CLTC: variants seen among roughly 807,000 people sequenced by gnomAD.
CLTC encodes clathrin heavy chain 1.
Under a neutral mutation model 195.8 loss-of-function variants are expected in CLTC, and 16 were observed. That is an observed-to-expected ratio of 0.08 (90% CI 0.06 to 0.12). The LOEUF (loss-of-function observed/expected upper bound fraction) is 0.12, where lower values mean the gene tolerates loss of function less well. Ranked by LOEUF, CLTC falls within the 10% of genes least tolerant of loss-of-function variation. CLTC has a pLI of 1.00. For synonymous variants in CLTC, 667 were observed against 689.4 expected (o/e 0.97, Z 0.51); for missense variants, 796 against 2,027.0 (o/e 0.39, Z 11.66).
intron 6 of CLTC, 131 bp downstream of exon 6, chr17:59,656,158 C>G: frequency 1.3e-6 from 1 of 773,522 alleles, no homozygotes; most frequent in Non-Finnish European, 1.9e-6. Context: ...AGTTTTTTTC[C>G]AAAAAGTAAA....
At chr17:59,646,353 T>C (rs569392640) in intron 2 of CLTC, among the ~76,000 whole-genome samples, 2 of 152,332 alleles carry the variant, frequency 1.3e-5, no homozygotes, top group Non-Finnish European at 2.9e-5. Flanking sequence ...TGGTTGTGGT[T>C]TACATACTGT....
rs1226243390 is a variant in CLTC at position 59,692,270 on chromosome 17, TTGCACCAC to T, written c.4904-1453_4904-1446del. 4.6e-5 allele frequency among the ~76,000 whole-genome samples: 7 copies of T among 152,322 alleles called. No homozygotes were observed. The East Asian group carries it at 1.2e-3, about 25-fold the overall frequency. On this transcript the variant is annotated intron_variant, in intron 31 of 31. Transcript: ENST00000269122. ...AGGCAAAGGCTGCAGTGAGCCAAAA[TTGCACCAC>T]TGCATTCCCTGGGCGACAGAGCGAG...
chr17:59,659,168 GA>G (rs1420058707), intron 6 of CLTC, among the ~76,000 whole-genome samples: 3 of 152,106 alleles, frequency 2.0e-5, no homozygotes, highest in African/African-American at 7.2e-5. Flanking sequence ...CAGTAACTGA[GA>G]AAAAATTATA....
At chr17:59,678,032 T>A (rs2033003421) in intron 17 of CLTC, among the ~76,000 whole-genome samples, 2 of 152,200 alleles carry the variant, frequency 1.3e-5, no homozygotes, top group Non-Finnish European at 2.9e-5. Context: ...GACTGTACTG[T>A]CTCTATGGAT....
Position 59,695,619 on chromosome 17 carries a change from C to T in CLTC, c.*1767C>T, listed in dbSNP as rs1004760532. On this transcript the variant is annotated 3_prime_UTR_variant, in exon 32 of 32. Transcript: ENST00000269122. ...GGCAAAGGTTGTAGTGAGCCAAGAT[C>T]ACGTCACTGCACTCCATCCTGGGTG... 5.5e-6 allele frequency: 1 copy of T among 180,930 alleles called. No homozygotes were observed. The highest frequency in any genetic ancestry group is 1.2e-5 in the Non-Finnish European group (1 of 84,724). The allele number at this position is 180,930 out of a possible 1,614,324, so 11.2% of individuals were successfully genotyped here. A position where few individuals can be genotyped will look rare whatever the true frequency, so the allele number is the denominator to read the frequency against.
chr17:59,644,127 A>G (rs2032121075), intron 1 of CLTC, 149 bp from the exon 2 acceptor site: 1 of 638,202 alleles, frequency 1.6e-6, no homozygotes, highest in African/African-American at 1.8e-5. Flanking sequence ...ATACTTGGCT[A>G]TTAATAGTCT....
chr17:59,621,499 G>A (rs1328823557), intron 1 of CLTC, among the ~76,000 whole-genome samples: 2 of 152,168 alleles, frequency 1.3e-5, no homozygotes, highest in Admixed American at 1.3e-4. Context: ...TTAATAAAAG[G>A]TTTTAACATT....
chr17:59,673,366 A>C (rs1340824741), intron 14 of CLTC, among the ~76,000 whole-genome samples: 1 of 152,206 alleles, frequency 6.6e-6, no homozygotes, highest in Non-Finnish European at 1.5e-5. Context: ...ATCATCTGAG[A>C]GCCACTGGCT....
chr17:59,659,453 ATT>A (rs10611799), intron 6 of CLTC, among the ~76,000 whole-genome samples: 100,655 of 134,254 alleles, frequency 0.75, 38,214 homozygotes, highest in East Asian at 0.92. Flanking sequence ...TTTTTAATTA[ATT>A]TTTTTTTTTT....
At position 59,666,021 on chromosome 17, in the gene CLTC, T is replaced by G. The variant is rs2032722472; in HGVS notation, c.1645-82T>G. ...ATATTGTCCAAATAAAATTCTCAGG[T>G]AAAGAAAGAGTTCATGCATAATTTT... On this transcript the variant is annotated intron_variant, in intron 10 of 31. Transcript: ENST00000269122. This position sits in a 1 kb window ranked among gnomAD's most constrained non-coding sequence, Gnocchi z 4.9. 5 of 1,054,428 alleles carry G rather than the reference T, an allele frequency of 4.7e-6. No homozygotes were observed. The highest frequency in any genetic ancestry group is 1.7e-5 in the South Asian group (1 of 59,240). 65.3% of individuals were successfully genotyped at this position (1,054,428 alleles called of 1,614,324 possible). A position where few individuals can be genotyped will look rare whatever the true frequency, so the allele number is the denominator to read the frequency against.
chr17:59,681,641 A>G lies in CLTC; in HGVS notation c.3250-6A>G. The G allele has an allele frequency of 1.2e-6, 2 of 1,605,554 alleles. No individual in the cohort carries two copies. Among genetic ancestry groups the G allele is most frequent in the Non-Finnish European group, 1.7e-6 (2 of 1,174,532 alleles). On this transcript the variant is annotated splice_polypyrimidine_tract_variant and splice_region_variant and intron_variant, in intron 20 of 31. Coordinates refer to ENST00000269122, the MANE Select transcript of CLTC (RefSeq NM_004859.4). This position sits in a 1 kb window ranked among gnomAD's most constrained non-coding sequence, Gnocchi z 5.0. The stretch of plus-strand genomic sequence containing the variant: ...TCTAACCCTAATTTCAAACTTGGAT[A>G]CTTAGGTCTTAATTGAGCATATTGG...
At chr17:59,636,267 C>T (rs568565724) in intron 1 of CLTC, among the ~76,000 whole-genome samples, 2 of 152,260 alleles carry the variant, frequency 1.3e-5, no homozygotes, top group African/African-American at 4.8e-5. Flanking sequence ...TCATGGAGCA[C>T]CTAGGCATGC....
Position 59,620,072 on chromosome 17 carries a change from C to T in CLTC, c.-60C>T. On this transcript the variant is annotated 5_prime_UTR_variant, in exon 1 of 32. Coordinates refer to ENST00000269122, the MANE Select transcript of CLTC (RefSeq NM_004859.4). ...TTCTCCTCCTCTCCCTTGGAGAGCC[C>T]GGGCAGCCACTGCCCCGCAGCCCCA... The T allele has an allele frequency of 7.1e-6, 11 of 1,543,966 alleles. No homozygotes were observed. Among genetic ancestry groups the T allele is most frequent in the Non-Finnish European group, 9.8e-6 (11 of 1,117,368 alleles).
intron 1 of CLTC, among the ~76,000 whole-genome samples, chr17:59,638,314 T>C (rs1191910480): frequency 6.6e-6 from 1 of 151,800 alleles, no homozygotes; most frequent in Non-Finnish European, 1.5e-5. Context: ...CCAGCTTGGG[T>C]GACAGAGCAA....
chr17:59,654,323 G>T (rs1248872657), intron 5 of CLTC, among the ~76,000 whole-genome samples: 1 of 147,932 alleles, frequency 6.8e-6, no homozygotes, highest in Non-Finnish European at 1.5e-5. Flanking sequence ...TTACAGGCGC[G>T]CACCACCCCA....
At chr17:59,624,454 CTTTTTTTTTTTTTT>C (rs5821272) in intron 1 of CLTC, among the ~76,000 whole-genome samples, 1 of 98,154 alleles carries the variant, frequency 1.0e-5, no homozygotes, top group African/African-American at 4.6e-5. Flanking sequence ...GAGCCACATA[CTTTTTTTTTTTTTT>C]TTTTTTTTTT....
At chr17:59,643,689 G>A (rs1236952796) in intron 1 of CLTC, among the ~76,000 whole-genome samples, 1 of 152,122 alleles carries the variant, frequency 6.6e-6, no homozygotes, top group African/African-American at 2.4e-5. Context: ...TCTTTCTGTT[G>A]AGAATTCTCT....
At chr17:59,692,927 C>T (rs147414513) in intron 31 of CLTC, among the ~76,000 whole-genome samples, 5 of 152,248 alleles carry the variant, frequency 3.3e-5, no homozygotes, top group Non-Finnish European at 7.4e-5. Context: ...CGTGAGCCAC[C>T]GCGCCCGGCC....
chr17:59,646,718 T>A (rs1270786409), intron 2 of CLTC, among the ~76,000 whole-genome samples: 1 of 152,254 alleles, frequency 6.6e-6, no homozygotes, highest in Non-Finnish European at 1.5e-5. Context: ...AACTAAATGC[T>A]TGCTTTCTTA....
Sources: gnomAD v4.1 joint callset for allele counts (sites outside exome capture counted in the v4.1 genomes callset) on GRCh38, gnomAD v4.1.1 for gene constraint, Gnocchi (gnomAD v3.1) non-coding constraint, MANE v1.5 for transcripts, NCBI Gene and HGNC (gene_info 2026-07-23, HGNC 2026-07-21) for gene names.